The following TAFA5 variants were observed in gnomAD, a reference collection of about 807,000 sequenced individuals.
TAFA5 encodes chemokine-like protein TAFA-5.
TAFA5 carries 6 observed loss-of-function variants against 15.3 expected under a neutral mutation model. That is an observed-to-expected ratio of 0.39 (90% CI 0.21 to 0.77). The LOEUF is 0.77. Among genes scored for constraint, TAFA5 ranks in the 30% least tolerant of loss-of-function variants. TAFA5 has a pLI of 0.41. For synonymous variants in TAFA5, 103 were observed against 80.7 expected (o/e 1.28, Z -1.48); for missense variants, 161 against 193.1 (o/e 0.83, Z 0.98).
intron 1 of TAFA5, among the ~76,000 whole-genome samples, chr22:48,538,132 T>C (rs922044598): frequency 6.6e-6 from 1 of 151,814 alleles, no homozygotes; most frequent in African/African-American, 2.4e-5. Flanking sequence ...TAAAGGGTTA[T>C]AACAAAAAAA....
intron 2 of TAFA5, 111 bp from the exon 3 acceptor site, chr22:48,707,606 G>T: frequency 2.3e-6 from 3 of 1,330,788 alleles, no homozygotes; most frequent in South Asian, 1.4e-5. Flanking sequence ...GAGCCACGCC[G>T]GGCATTGCCT....
intron 2 of TAFA5, among the ~76,000 whole-genome samples, chr22:48,705,175 G>C (rs898921852): frequency 3.9e-5 from 6 of 152,158 alleles, no homozygotes; most frequent in African/African-American, 1.4e-4. Context: ...GACCTGGAAA[G>C]GGATTGGGGG....
At position 48,560,872 on chromosome 22, in the gene TAFA5, A is replaced by G. The variant is rs538119597; in HGVS notation, c.112+71168A>G. Reference sequence around the variant, plus strand: ...TGATCCACCCACCTCGGCCTCCCAAAGTTCTGGGATTACAGGTGTGAGCCA... The same window carrying G: ...TGATCCACCCACCTCGGCCTCCCAAGGTTCTGGGATTACAGGTGTGAGCCA... On this transcript the variant is annotated intron_variant, in intron 1 of 3. Transcript: ENST00000402357. The surrounding 1 kb of genome is among the most constrained non-coding windows in gnomAD (Gnocchi z 4.2). Among the ~76,000 whole-genome samples the G allele has an allele frequency of 1.3e-5, 2 of 152,102 alleles. No homozygotes were observed. The highest frequency in any genetic ancestry group is 4.8e-5 in the African/African-American group (2 of 41,472).
chr22:48,618,627 T>C (rs1450497979), intron 1 of TAFA5, among the ~76,000 whole-genome samples: 1 of 151,686 alleles, frequency 6.6e-6, no homozygotes, highest in Non-Finnish European at 1.5e-5. Flanking sequence ...CGGGTGGCCT[T>C]GTCCACGCCC....
chr22:48,576,234 A>C, intron 1 of TAFA5: 2 of 407,962 alleles, frequency 4.9e-6, no homozygotes, highest in Non-Finnish European at 7.5e-6. Flanking sequence ...ACTTTCTGCT[A>C]ACCTCCCCGC....
intron 1 of TAFA5, among the ~76,000 whole-genome samples, chr22:48,586,353 C>T (rs368589739): frequency 3.9e-5 from 6 of 152,268 alleles, no homozygotes; most frequent in Non-Finnish European, 7.3e-5. Context: ...GTCACACCCA[C>T]CTATGCAAAT....
chr22:48,638,627 A>G (rs200220433), intron 1 of TAFA5, among the ~76,000 whole-genome samples: 172 of 90,764 alleles, frequency 1.9e-3, no homozygotes, highest in Middle Eastern at 0.011. Flanking sequence ...TAAGCCACAC[A>G]TAGGCAACAA....
chr22:48,599,111 C>T (rs1228603703), intron 1 of TAFA5, among the ~76,000 whole-genome samples: 2 of 152,214 alleles, frequency 1.3e-5, no homozygotes, highest in African/African-American at 2.4e-5. Context: ...CTACCTTCCC[C>T]CCATCTTTTA....
At chr22:48,511,675 A>C (rs555936934) in intron 1 of TAFA5, among the ~76,000 whole-genome samples, 3 of 152,298 alleles carry the variant, frequency 2.0e-5, no homozygotes, top group Admixed American at 2.0e-4. Flanking sequence ...GGCATTCTCC[A>C]TTCTCAAGGT....
At position 48,489,772 on chromosome 22, in the gene TAFA5, C is replaced by G; in HGVS notation, c.112+68C>G. 2 of 1,030,426 alleles carry G rather than the reference C, an allele frequency of 1.9e-6. No homozygotes were observed. The highest frequency in any genetic ancestry group is 5.3e-5 in the South Asian group (2 of 37,750). 63.8% of individuals were successfully genotyped at this position (1,030,426 alleles called of 1,614,324 possible). A position where few individuals can be genotyped will look rare whatever the true frequency, so the allele number is the denominator to read the frequency against. On this transcript the variant is annotated intron_variant, in intron 1 of 3. Transcript: ENST00000402357. The surrounding 1 kb of genome is among the most constrained non-coding windows in gnomAD (Gnocchi z 5.5). ...CCCGGACCCCCTCCTCCGGCCCCGG[C>G]AGGCGCCCCGCGGGCCTCCCGGAGT...
At position 48,633,518 on chromosome 22, in the gene TAFA5, CTGTCTGTCTGTCTG is replaced by C. The variant is rs778340798; in HGVS notation, c.113-13077_113-13064del. ...TGTGTCTGTCTGTCTGTCTGTCTGT[CTGTCTGTCTGTCTG>C]TCTCTCCCTCTCTCTCTCTCTCTCT... On this transcript the variant is annotated intron_variant, in intron 1 of 3. Transcript: ENST00000402357. 3.0e-3 allele frequency among the ~76,000 whole-genome samples: 282 copies of C among 94,964 alleles called. 4 individuals are homozygous for C. Among genetic ancestry groups the C allele is most frequent in the African/African-American group, 5.0e-3 (108 of 21,602 alleles). 62.3% of individuals were successfully genotyped at this position (94,964 alleles called of 152,430 possible). A position where few individuals can be genotyped will look rare whatever the true frequency, so the allele number is the denominator to read the frequency against.
At chr22:48,518,112 C>T (rs552983165) in intron 1 of TAFA5, among the ~76,000 whole-genome samples, 24 of 152,314 alleles carry the variant, frequency 1.6e-4, no homozygotes, top group Non-Finnish European at 2.4e-4. Flanking sequence ...TGCTGCTTTC[C>T]GGGGGCTCCT....
intron 3 of TAFA5, among the ~76,000 whole-genome samples, chr22:48,724,336 T>C (rs181162268): frequency 6.6e-6 from 1 of 152,318 alleles, no homozygotes; most frequent in African/African-American, 2.4e-5. Flanking sequence ...ATGTGACTGA[T>C]GAGGTTTCAA....
chr22:48,659,008 C>T (rs1293941038), intron 2 of TAFA5, among the ~76,000 whole-genome samples: 5 of 152,210 alleles, frequency 3.3e-5, no homozygotes, highest in Admixed American at 6.5e-5. Flanking sequence ...GTGCGATTAC[C>T]GGGCAGGACA....
intron 1 of TAFA5, among the ~76,000 whole-genome samples, chr22:48,554,213 T>A (rs1192631469): frequency 6.6e-6 from 1 of 152,190 alleles, no homozygotes; most frequent in Non-Finnish European, 1.5e-5. Context: ...CTCCCGGGTG[T>A]CTGGGCTTCG....
rs538627460 is a variant in TAFA5 at position 48,571,974 on chromosome 22, G to A, written c.113-74623G>A. On this transcript the variant is annotated intron_variant, in intron 1 of 3. Transcript: ENST00000402357. ...ATGGTCCACTCACATTAATTTCCAG[G>A]AGTTTTTTTCCTTGTTCTCTTGTTT... 5.3e-5 allele frequency among the ~76,000 whole-genome samples: 8 copies of A among 152,118 alleles called. No individual in the cohort carries two copies. In the South Asian group the frequency reaches 1.2e-3, roughly 24 times the overall value.
intron 1 of TAFA5, among the ~76,000 whole-genome samples, chr22:48,556,296 C>T (rs960566925): frequency 6.6e-6 from 1 of 152,194 alleles, no homozygotes; most frequent in Non-Finnish European, 1.5e-5. Context: ...GCAGAGCAGC[C>T]CCTCTGGGGT....
At chr22:48,629,770 G>T (rs545712979) in intron 1 of TAFA5, among the ~76,000 whole-genome samples, 1 of 152,292 alleles carries the variant, frequency 6.6e-6, no homozygotes, top group East Asian at 1.9e-4. Context: ...TGCTTGGGAC[G>T]GTCCCTAGCA....
At chr22:48,729,255 T>C (rs1037013063) in intron 3 of TAFA5, among the ~76,000 whole-genome samples, 2 of 92,502 alleles carry the variant, frequency 2.2e-5, no homozygotes, top group African/African-American at 3.2e-5. Flanking sequence ...TTTATAAATA[T>C]ATAATAATTT....
Sources: gnomAD v4.1 joint callset for allele counts (sites outside exome capture counted in the v4.1 genomes callset) on GRCh38, gnomAD v4.1.1 for gene constraint, Gnocchi (gnomAD v3.1) non-coding constraint, MANE v1.5 for transcripts, NCBI Gene and HGNC (gene_info 2026-07-23, HGNC 2026-07-21) for gene names.